Variants in PCDH15 observed in about 807,000 individuals in gnomAD.
PCDH15 encodes the protein protocadherin-15.
Under a neutral mutation model 178.5 loss-of-function variants are expected in PCDH15, and 129 were observed. The ratio of observed to expected loss-of-function variants is 0.72; its 90% CI spans 0.63 to 0.84. The LOEUF is 0.84. Ranked by LOEUF, PCDH15 falls within the 40% of genes least tolerant of loss-of-function variation. The probability of loss-of-function intolerance (pLI) is 0.00; values close to 1 mark genes in which losing one functional copy is unlikely to be tolerated. For missense variants in PCDH15, 2,230 were observed against 2,099.9 expected (o/e 1.06, Z -1.21); for synonymous variants, 800 against 732.0 (o/e 1.09, Z -1.50).
chr10:54,462,663 GTCACCACACCTGCT>G (rs2077265013), intron 3 of PCDH15, among the ~76,000 whole-genome samples: 1 of 125,192 alleles, frequency 8.0e-6, no homozygotes, highest in Non-Finnish European at 1.6e-5. Flanking sequence ...ACAGGCACGT[GTCACCACACCTGCT>G]TAATTTTTTT....
chr10:54,001,969 G>A (rs1322951695), intron 20 of PCDH15, among the ~76,000 whole-genome samples: 1 of 151,440 alleles, frequency 6.6e-6, no homozygotes, highest in East Asian at 1.9e-4. Context: ...AAACTACACA[G>A]AGAGACAAAG....
chr10:54,724,513 A>G (rs67548698), intron 1 of PCDH15, among the ~76,000 whole-genome samples: 18,460 of 151,388 alleles, frequency 0.12, 1,253 homozygotes, highest in African/African-American at 0.17. Flanking sequence ...ATGCATATAT[A>G]CCCCCGAATC....
rs541208459 is a variant in PCDH15 at position 54,687,452 on chromosome 10, C to A, written c.-28-23162G>T. On this transcript the variant is annotated intron_variant, in intron 1 of 37. Transcript: ENST00000644397. ...AGTACATGAATAAAAAAATGTGCTA[C>A]ATATATAATATATACTGACTAAAAC... 5.3e-5 allele frequency among the ~76,000 whole-genome samples: 8 copies of A among 152,228 alleles called. No homozygotes were observed. In the East Asian group the frequency reaches 9.7e-4, roughly 18 times the overall value.
chr10:55,411,453 A>G (rs549446208), intron 2 of PCDH15, among the ~76,000 whole-genome samples: 18 of 152,204 alleles, frequency 1.2e-4, no homozygotes, highest in African/African-American at 4.1e-4. Flanking sequence ...TATTCCTACT[A>G]TTACTACTAC....
intron 3 of PCDH15, among the ~76,000 whole-genome samples, chr10:54,527,181 T>C (rs1480683576): frequency 1.3e-5 from 2 of 151,982 alleles, no homozygotes; most frequent in South Asian, 2.1e-4. Context: ...GTTCAGAGAG[T>C]CAAGGTGGCC....
At chr10:54,492,286 T>C (rs762124381) in intron 3 of PCDH15, among the ~76,000 whole-genome samples, 6 of 152,160 alleles carry the variant, frequency 3.9e-5, no homozygotes, top group Non-Finnish European at 7.3e-5. Flanking sequence ...AGAGATGTGC[T>C]GAGACATTCA....
intron 2 of PCDH15, among the ~76,000 whole-genome samples, chr10:55,485,828 T>C (rs1191541890): frequency 2.6e-5 from 4 of 151,752 alleles, no homozygotes; most frequent in East Asian, 1.9e-4. Context: ...ATTGAAGAGA[T>C]ACTTGCATTC....
intron 2 of PCDH15, chr10:54,606,621 G>T (rs1179017001): frequency 1.3e-5 from 2 of 152,120 alleles, no homozygotes; most frequent in African/African-American, 4.8e-5. Flanking sequence ...CAAGATTGTG[G>T]AAAGATGCCA....
At chr10:54,152,797 T>C (rs887480720) in intron 14 of PCDH15, among the ~76,000 whole-genome samples, 11 of 152,038 alleles carry the variant, frequency 7.2e-5, no homozygotes, top group Non-Finnish European at 1.6e-4. Flanking sequence ...AGAAGTGACT[T>C]TGAAACCCTG....
At chr10:55,121,085 T>A (rs562374975) in intron 2 of PCDH15, among the ~76,000 whole-genome samples, 6 of 152,130 alleles carry the variant, frequency 3.9e-5, no homozygotes, top group African/African-American at 1.4e-4. Context: ...CTCCAACCCA[T>A]GAGAGCTGCT....
intron 3 of PCDH15, among the ~76,000 whole-genome samples, chr10:54,469,891 T>C (rs1277851553): frequency 6.6e-6 from 1 of 152,110 alleles, no homozygotes; most frequent in African/African-American, 2.4e-5. Flanking sequence ...GGTGCATACA[T>C]GCGGGTACTA....
chr10:54,428,166 C>T (rs1330034023), intron 3 of PCDH15, among the ~76,000 whole-genome samples: 4 of 152,166 alleles, frequency 2.6e-5, no homozygotes, highest in Non-Finnish European at 4.4e-5. Flanking sequence ...GTACCTTTCA[C>T]GAAATATTGC....
chr10:55,564,568 G>A (rs1842263287), intron 2 of PCDH15, among the ~76,000 whole-genome samples: 1 of 151,472 alleles, frequency 6.6e-6, no homozygotes, highest in Non-Finnish European at 1.5e-5. Flanking sequence ...ACTGATACTG[G>A]CAGCATGGAT....
intron 2 of PCDH15, among the ~76,000 whole-genome samples, chr10:54,951,085 T>C (rs1279225015): frequency 1.3e-5 from 2 of 151,926 alleles, no homozygotes. Context: ...CCAAAATTTG[T>C]ATTTTACATT....
At chr10:54,366,821 G>C (rs967690453) in intron 5 of PCDH15, among the ~76,000 whole-genome samples, 1 of 151,552 alleles carries the variant, frequency 6.6e-6, no homozygotes, top group African/African-American at 2.4e-5. Flanking sequence ...TAGAAGATAT[G>C]ACCATAGTGT....
intron 3 of PCDH15, among the ~76,000 whole-genome samples, chr10:54,815,019 C>T (rs1482947120): frequency 6.6e-6 from 1 of 152,112 alleles, no homozygotes; most frequent in Non-Finnish European, 1.5e-5. Flanking sequence ...TGCCCCTCTT[C>T]TGCACCAGGA....
chr10:54,518,798 T>C (rs975675201), intron 3 of PCDH15, among the ~76,000 whole-genome samples: 3 of 152,190 alleles, frequency 2.0e-5, no homozygotes, highest in African/African-American at 7.2e-5. Flanking sequence ...TGAACATTGA[T>C]GCAGAAATCC....
At chr10:54,545,409 TTAAAA>T (rs1324560837) in intron 2 of PCDH15, among the ~76,000 whole-genome samples, 1 of 152,164 alleles carries the variant, frequency 6.6e-6, no homozygotes, top group East Asian at 1.9e-4. Flanking sequence ...CAAATGTTAA[TTAAAA>T]TAAAGTAATA....
At chr10:55,303,315 T>G (rs1175981269) in intron 1 of PCDH15, among the ~76,000 whole-genome samples, 1 of 152,190 alleles carries the variant, frequency 6.6e-6, no homozygotes, top group East Asian at 1.9e-4. Flanking sequence ...TTTGGGCTGT[T>G]AGTAGTCTTG....
Sources: gnomAD v4.1 joint callset for allele counts (sites outside exome capture counted in the v4.1 genomes callset) on GRCh38, gnomAD v4.1.1 for gene constraint, MANE v1.5 for transcripts, NCBI Gene and HGNC (gene_info 2026-07-23, HGNC 2026-07-21) for gene names.